Variants in KCNQ1 observed in about 807,000 individuals in gnomAD.
The protein encoded by KCNQ1 is potassium voltage-gated channel subfamily Q member 1.
KCNQ1 carries 49 observed loss-of-function variants against 72.4 expected under a neutral mutation model. The observed-to-expected ratio is 0.68, with a 90% CI of 0.54 to 0.86. The LOEUF (loss-of-function observed/expected upper bound fraction) is 0.86, where lower values mean the gene tolerates loss of function less well. KCNQ1 is among the 40% of genes least tolerant of loss of function. The pLI, the probability that KCNQ1 is intolerant of heterozygous loss-of-function variation, is 0.00. For missense variants in KCNQ1, 790 were observed against 945.1 expected (o/e 0.84, Z 2.15); for synonymous variants, 450 against 412.6 (o/e 1.09, Z -1.10).
Position 2,690,779 on chromosome 11 carries a change from G to T in KCNQ1, c.1514+28698G>T, listed in dbSNP as rs956813874. 5 of 398,568 alleles carry T rather than the reference G, an allele frequency of 1.3e-5. No individual in the cohort carries two copies. The highest frequency in any genetic ancestry group is 2.1e-5 in the African/African-American group (1 of 48,622). The allele number at this position is 398,568 out of a possible 1,614,324, so 24.7% of individuals were successfully genotyped here. A position where few individuals can be genotyped will look rare whatever the true frequency, so the allele number is the denominator to read the frequency against. On this transcript the variant is annotated intron_variant, in intron 11 of 15. Coordinates refer to ENST00000155840, the MANE Select transcript of KCNQ1 (RefSeq NM_000218.3). The surrounding 1 kb of genome is among the most constrained non-coding windows in gnomAD (Gnocchi z 5.1). ...TTAGGTGGATGTGGCCTGGCAGGGG[G>T]TCAGCAGGAGGGAGGTCCCTGTCTC...
At chr11:2,716,338 G>C (rs1851092101) in intron 11 of KCNQ1, among the ~76,000 whole-genome samples, 1 of 152,148 alleles carries the variant, frequency 6.6e-6, no homozygotes, top group Non-Finnish European at 1.5e-5. Flanking sequence ...GAACCCTCTA[G>C]GGCACAGCTT....
intron 11 of KCNQ1, chr11:2,675,503 C>A (rs1850277850): frequency 5.0e-6 from 2 of 398,530 alleles, no homozygotes; most frequent in Admixed American, 8.8e-5. Flanking sequence ...ACATAGCAGT[C>A]ACAACATGCC....
intron 11 of KCNQ1, among the ~76,000 whole-genome samples, chr11:2,744,263 C>T (rs991946617): frequency 9.2e-5 from 14 of 152,236 alleles, no homozygotes; most frequent in Admixed American, 2.6e-4. Context: ...AAACAGGAGA[C>T]GATGTGGCAT....
At chr11:2,456,381 T>TC (rs1204059427) in intron 1 of KCNQ1, among the ~76,000 whole-genome samples, 1 of 152,066 alleles carries the variant, frequency 6.6e-6, no homozygotes, top group Non-Finnish European at 1.5e-5. Flanking sequence ...AATAGTCTTC[T>TC]CAATATTGGC....
At chr11:2,838,936 A>G (rs1269796905) in intron 15 of KCNQ1, among the ~76,000 whole-genome samples, 1 of 151,616 alleles carries the variant, frequency 6.6e-6, no homozygotes, top group Non-Finnish European at 1.5e-5. Flanking sequence ...CTGGGCCCCC[A>G]GCCTGCCCGA....
chr11:2,775,654 TG>T (rs1461296855), intron 12 of KCNQ1, among the ~76,000 whole-genome samples: 1 of 151,884 alleles, frequency 6.6e-6, no homozygotes, highest in Non-Finnish European at 1.5e-5. Flanking sequence ...GAACCAGAAC[TG>T]GTAGCCTGGG....
intron 1 of KCNQ1, among the ~76,000 whole-genome samples, chr11:2,454,901 C>G (rs1846165354): frequency 6.6e-6 from 1 of 152,038 alleles, no homozygotes; most frequent in Non-Finnish European, 1.5e-5. Context: ...CAAAATAATA[C>G]TGGAGGTCCT....
intron 1 of KCNQ1, among the ~76,000 whole-genome samples, chr11:2,460,231 C>T (rs964883879): frequency 3.3e-5 from 5 of 152,308 alleles, no homozygotes; most frequent in African/African-American, 1.2e-4. Flanking sequence ...TGACCTGATT[C>T]TCTGTGGGCA....
intron 1 of KCNQ1, among the ~76,000 whole-genome samples, chr11:2,456,812 G>A (rs1205846290): frequency 5.0e-4 from 73 of 146,098 alleles, no homozygotes; most frequent in Middle Eastern, 3.5e-3. Flanking sequence ...GGGGGTGGGC[G>A]CCTGTAGTCC....
intron 10 of KCNQ1, chr11:2,625,949 A>G: frequency 2.5e-6 from 1 of 398,506 alleles, no homozygotes; most frequent in Non-Finnish European, 4.4e-6. Flanking sequence ...TTAATCCCTT[A>G]TCAGGTATGT....
At chr11:2,646,349 C>CA in intron 10 of KCNQ1, 1 of 398,514 alleles carries the variant, frequency 2.5e-6, no homozygotes, top group Non-Finnish European at 4.4e-6. Context: ...TGGGATGTCT[C>CA]AAAAAATTTT....
At chr11:2,819,194 C>T (rs233448) in intron 15 of KCNQ1, among the ~76,000 whole-genome samples, 34,038 of 152,204 alleles carry the variant, frequency 0.22, 4,079 homozygotes, top group Non-Finnish European at 0.28. Flanking sequence ...AGCCAAAGTC[C>T]CTCCTCCCAA....
chr11:2,739,479 C>T (rs377268947), intron 11 of KCNQ1, among the ~76,000 whole-genome samples: 2 of 152,216 alleles, frequency 1.3e-5, no homozygotes, highest in Non-Finnish European at 1.5e-5. Context: ...CATAGGTGGG[C>T]AACATTTTTA....
At position 2,750,615 on chromosome 11, in the gene KCNQ1, C is replaced by T. The variant is rs373824940; in HGVS notation, c.1515-18229C>T. Among the ~76,000 whole-genome samples the T allele has an allele frequency of 4.6e-5, 7 of 152,176 alleles. No individual in the cohort carries two copies. Among genetic ancestry groups the T allele is most frequent in the South Asian group, 4.1e-4 (2 of 4,828 alleles). On this transcript the variant is annotated intron_variant, in intron 11 of 15. Coordinates refer to ENST00000155840, the MANE Select transcript of KCNQ1 (RefSeq NM_000218.3). The surrounding 1 kb of genome is among the most constrained non-coding windows in gnomAD (Gnocchi z 6.3). Reference sequence around the variant, plus strand: ...AGTGCTCACAAATCACTTTTCTAGACGAAGACCAGTAAGAAGCCCATGTCA... The same window carrying T: ...AGTGCTCACAAATCACTTTTCTAGATGAAGACCAGTAAGAAGCCCATGTCA...
At chr11:2,629,103 AT>A (rs149468188) in intron 10 of KCNQ1, 5,110 of 397,778 alleles carry the variant, frequency 0.013, 155 homozygotes, top group East Asian at 0.079. Flanking sequence ...AAATTTTAGG[AT>A]TTTTTTTGTC....
At chr11:2,796,761 C>A (rs557090264) in intron 15 of KCNQ1, among the ~76,000 whole-genome samples, 1 of 152,226 alleles carries the variant, frequency 6.6e-6, no homozygotes, top group South Asian at 2.1e-4. Flanking sequence ...TTCTTCCCGG[C>A]GGCAGCGGCT....
chr11:2,839,524 C>G (rs55873274), intron 15 of KCNQ1, among the ~76,000 whole-genome samples: 1 of 150,564 alleles, frequency 6.6e-6, no homozygotes, highest in Non-Finnish European at 1.5e-5. Flanking sequence ...TCAGCAGACA[C>G]GGCACACATA....
intron 1 of KCNQ1, among the ~76,000 whole-genome samples, chr11:2,499,260 G>A (rs2188201): frequency 0.53 from 80,408 of 151,794 alleles, 22,765 homozygotes; most frequent in Non-Finnish European, 0.63. Context: ...ATAATGAGTT[G>A]TAAGATATTT....
In KCNQ1 at chr11:2,653,961, A is replaced by T; in HGVS notation, c.1394-8000A>T. 1 of 398,622 alleles carries T rather than the reference A, an allele frequency of 2.5e-6. No homozygotes were observed. Among genetic ancestry groups the T allele is most frequent in the Non-Finnish European group, 4.4e-6 (1 of 226,062 alleles). The allele number at this position is 398,622 out of a possible 1,614,324, so 24.7% of individuals were successfully genotyped here. On this transcript the variant is annotated intron_variant, in intron 10 of 15. Transcript: ENST00000155840. The surrounding 1 kb of genome is among the most constrained non-coding windows in gnomAD (Gnocchi z 5.3). ...TGGCAGGCAAAAACAACAGGTGTCCACTCAAGCAAGGTATTTTCCTAAGCG... is the reference window on the plus strand; with the variant it reads ...TGGCAGGCAAAAACAACAGGTGTCCTCTCAAGCAAGGTATTTTCCTAAGCG...
Sources: allele counts gnomAD v4.1 joint callset (sites outside exome capture counted in the v4.1 genomes callset), GRCh38; gene constraint gnomAD v4.1.1; non-coding constraint Gnocchi (gnomAD v3.1); transcripts MANE v1.5; gene names NCBI Gene and HGNC (gene_info 2026-07-23, HGNC 2026-07-21).